The following ATP6V0A2 variants were observed in gnomAD, a reference collection of about 807,000 sequenced individuals.
ATP6V0A2 encodes V-type proton ATPase 116 kDa subunit a 2.
ATP6V0A2 carries 58 observed loss-of-function variants against 104.4 expected under a neutral mutation model. The observed-to-expected ratio is 0.56, with a 90% confidence interval of 0.45 to 0.69. The LOEUF is 0.69. Among genes scored for constraint, ATP6V0A2 ranks in the 30% least tolerant of loss-of-function variants. ATP6V0A2 has a pLI of 0.00. For synonymous variants in ATP6V0A2, 376 were observed against 397.9 expected (o/e 0.95, Z 0.65); for missense variants, 938 against 1,062.9 (o/e 0.88, Z 1.63).
In ATP6V0A2 at chr12:123,748,710, T is replaced by C; in HGVS notation, c.1860T>C (p.Ala620=). 2 of 1,614,224 alleles carry C rather than the reference T, an allele frequency of 1.2e-6. No homozygotes were observed. Among genetic ancestry groups the C allele is most frequent in the Non-Finnish European group, 1.7e-6 (2 of 1,180,038 alleles). ...TTTCAGCAGAAACCTCCAGAGTTGCTCCCAGCATTCTGATTGAATTTATTA... is the reference window on the plus strand; with the variant it reads ...TTTCAGCAGAAACCTCCAGAGTTGCCCCCAGCATTCTGATTGAATTTATTA... ...LVFSAETSRV[A]PSILIEFINM... Residue 620 remains alanine, a synonymous_variant, in exon 15 of 20, where the codon GCT becomes GCC. Transcript: ENST00000330342.
chr12:123,724,902 T>A, intron 4 of ATP6V0A2, 111 bp downstream of exon 4: 1 of 754,408 alleles, frequency 1.3e-6, no homozygotes, highest in Non-Finnish European at 2.1e-6. Flanking sequence ...ATATGTTGCT[T>A]CTTTTAAGAG....
At chr12:123,740,245 C>T (rs1239813669) in intron 9 of ATP6V0A2, among the ~76,000 whole-genome samples, 1 of 151,238 alleles carries the variant, frequency 6.6e-6, no homozygotes, top group African/African-American at 2.4e-5. Context: ...CTCTTTCGCC[C>T]ACGCTGGAGT....
At chr12:123,726,890 A>G (rs996995172) in intron 5 of ATP6V0A2, among the ~76,000 whole-genome samples, 1 of 152,122 alleles carries the variant, frequency 6.6e-6, no homozygotes, top group African/African-American at 2.4e-5. Context: ...CTCAGCATTG[A>G]GATTTTTTTG....
In ATP6V0A2 at chr12:123,737,217, C is replaced by G. The variant is rs1956563571; in HGVS notation, c.984C>G (p.Val328=). 2 of 1,614,052 alleles carry G rather than the reference C, an allele frequency of 1.2e-6. No homozygotes were observed. The highest frequency in any genetic ancestry group is 1.1e-5 in the South Asian group (1 of 91,076). ...CCAACAAGTGCCTCATTGCTGAGGTCTGGTGTCCCGAGGCGGATCTGCAGG... is the reference window on the plus strand; with the variant it reads ...CCAACAAGTGCCTCATTGCTGAGGTGTGGTGTCCCGAGGCGGATCTGCAGG... The part of the protein sequence containing the change: ...DVTNKCLIAE[V]WCPEADLQDL... Residue 328 remains valine, a synonymous_variant, in exon 9 of 20, where the codon GTC becomes GTG. Transcript: ENST00000330342.
chr12:123,755,607 G>A (rs571150270), intron 18 of ATP6V0A2, among the ~76,000 whole-genome samples: 37 of 147,774 alleles, frequency 2.5e-4, no homozygotes, highest in African/African-American at 8.4e-4. Context: ...TGCTTGCTCT[G>A]CATCAGGTCA....
At position 123,754,470 on chromosome 12, in the gene ATP6V0A2, C is replaced by T. The variant is rs749822397; in HGVS notation, c.2226C>T (p.Tyr742=). ...LMTQVIHSIE[Y]CLGCISNTAS... ...CCCAAGTAATCCATTCCATCGAGTA[C>T]TGTCTGGGATGCATCTCCAACACCG... Residue 742 remains tyrosine (Y), a synonymous_variant, in exon 18 of 20, where the codon TAC becomes TAT. Coordinates refer to ENST00000330342, the MANE Select transcript of ATP6V0A2 (RefSeq NM_012463.4). 1 of 1,614,148 alleles carries T rather than the reference C, an allele frequency of 6.2e-7. No homozygotes were observed. Among genetic ancestry groups the T allele is most frequent in the South Asian group, 1.1e-5 (1 of 91,084 alleles).
chr12:123,756,595 CTGATATTTT>C, intron 18 of ATP6V0A2: 1 of 578,126 alleles, frequency 1.7e-6, no homozygotes. Context: ...GAGATGGCCT[CTGATATTTT>C]TGGAGCACCA....
chr12:123,736,341 G>A lies in ATP6V0A2; in HGVS notation c.825+717G>A, dbSNP rs558202058. Among the ~76,000 whole-genome samples, 409 of 151,942 alleles carry A rather than the reference G, an allele frequency of 2.7e-3. 1 individual carries two copies. The highest frequency in any genetic ancestry group is 4.8e-3 in the Non-Finnish European group (323 of 67,972). On this transcript the variant is annotated intron_variant, in intron 8 of 19. Coordinates refer to ENST00000330342, the MANE Select transcript of ATP6V0A2 (RefSeq NM_012463.4). The stretch of plus-strand genomic sequence containing the variant: ...CAAGTAGCTGGGATTATAGGCATGC[G>A]CCACCACACCCTGCTAATTTTTTTG...
chr12:123,726,433 C>T (rs2135889499), intron 5 of ATP6V0A2, 148 bp downstream of exon 5: 1 of 667,316 alleles, frequency 1.5e-6, no homozygotes, highest in South Asian at 1.7e-5. Context: ...CACTGTATTC[C>T]TGTACTTGTT....
chr12:123,754,325 C>CT (rs1231241571), intron 17 of ATP6V0A2, 95 bp from the exon 18 acceptor site: 17 of 979,546 alleles, frequency 1.7e-5, no homozygotes, highest in Non-Finnish European at 2.6e-5. Flanking sequence ...GCCGGCAGCT[C>CT]TTTCATTGTA....
chr12:123,737,114 C>G lies in ATP6V0A2; in HGVS notation c.881C>G (p.Ser294Cys). Residue 294 changes from serine to cysteine, a missense_variant, in exon 9 of 20, where the codon TCT (serine) becomes TGT (cysteine). Physicochemically the swap from Ser to Cys is moderately radical, Grantham distance 112. Transcript: ENST00000330342. Reference protein sequence around the residue: ...LRQVLCKAAESVYSRVIQVKK... With the variant: ...LRQVLCKAAECVYSRVIQVKK... ...CAAGTGCTATGTAAAGCCGCCGAGT[C>G]TGTCTACAGCCGTGTGATCCAGGTG... 2 of 1,614,244 alleles carry G rather than the reference C, an allele frequency of 1.2e-6. No individual in the cohort carries two copies.
intron 9 of ATP6V0A2, among the ~76,000 whole-genome samples, chr12:123,742,391 T>C (rs1327398428): frequency 1.3e-5 from 2 of 152,204 alleles, no homozygotes; most frequent in Non-Finnish European, 2.9e-5. Context: ...TTTTGGGGAC[T>C]GTGGGGACGT....
At chr12:123,730,724 G>A (rs1051835797) in intron 6 of ATP6V0A2, 9 of 152,010 alleles carry the variant, frequency 5.9e-5, no homozygotes, top group African/African-American at 2.2e-4. Flanking sequence ...ATTCTCATGC[G>A]AGCATTTACT....
At chr12:123,722,998 G>A in intron 3 of ATP6V0A2, among the ~76,000 whole-genome samples, 1 of 152,188 alleles carries the variant, frequency 6.6e-6, no homozygotes, top group Non-Finnish European at 1.5e-5. Flanking sequence ...TGTCCCCGGT[G>A]AGAACACTCA....
Position 123,754,456 on chromosome 12 carries a change from CA to C in ATP6V0A2, c.2213del (p.His738LeufsTer17). On this transcript the variant is annotated frameshift_variant, in exon 18 of 20. Transcript: ENST00000330342. LOFTEE classifies it high-confidence loss of function. ...FGEILMTQVIHSIEYCLGCIS... is the reference protein window; with the variant it reads ...FGEILMTQVIXSIEYCLGCIS... ...AGAAATATTAATGACCCAAGTAATC[CA>C]TTCCATCGAGTACTGTCTGGGATGC... is the stretch of plus-strand genomic sequence containing the variant. 6.2e-7 allele frequency: 1 copy of C among 1,613,756 alleles called. No individual in the cohort carries two copies. Among genetic ancestry groups the C allele is most frequent in the Non-Finnish European group, 8.5e-7 (1 of 1,179,666 alleles).
chr12:123,727,726 A>T (rs201798711), intron 5 of ATP6V0A2, 57 bp from the exon 6 acceptor site: 4 of 1,605,696 alleles, frequency 2.5e-6, no homozygotes, highest in Non-Finnish European at 3.4e-6. Flanking sequence ...TTCTTAATGT[A>T]GTTTGATAAC....
intron 9 of ATP6V0A2, 103 bp downstream of exon 9, chr12:123,737,374 A>G (rs1461475725): frequency 1.0e-5 from 11 of 1,090,624 alleles, no homozygotes; most frequent in Non-Finnish European, 1.2e-5. Flanking sequence ...AGTAATGAGA[A>G]TGCAGTGTGT....
intron 1 of ATP6V0A2, among the ~76,000 whole-genome samples, chr12:123,718,034 C>T (rs1435431920): frequency 1.3e-5 from 2 of 151,750 alleles, no homozygotes; most frequent in African/African-American, 4.8e-5. Flanking sequence ...AAGCAATTCT[C>T]GTGCCTCAGC....
chr12:123,725,935 T>A (rs974154728), intron 4 of ATP6V0A2, among the ~76,000 whole-genome samples: 2 of 152,260 alleles, frequency 1.3e-5, no homozygotes, highest in African/African-American at 4.8e-5. Flanking sequence ...TTGATAAAGT[T>A]ACTCTATCTT....
Sources: allele counts gnomAD v4.1 joint callset (sites outside exome capture counted in the v4.1 genomes callset), GRCh38; gene constraint gnomAD v4.1.1; transcripts MANE v1.5; gene names NCBI Gene and HGNC (gene_info 2026-07-23, HGNC 2026-07-21).